Variants in BBS9 observed in about 807,000 individuals in gnomAD.
BBS9 encodes the protein protein PTHB1.
In BBS9, 89 loss-of-function variants were observed where a neutral mutation model predicts 117.7. The observed-to-expected ratio is 0.76, with a 90% confidence interval of 0.64 to 0.90. The LOEUF (loss-of-function observed/expected upper bound fraction) is 0.90, where lower values mean the gene tolerates loss of function less well. Ranked by LOEUF, BBS9 falls within the 40% of genes least tolerant of loss-of-function variation. The pLI is 0.00. For missense variants in BBS9, 982 were observed against 1,042.2 expected (o/e 0.94, Z 0.80); for synonymous variants, 379 against 370.9 (o/e 1.02, Z -0.25).
chr7:33,554,948 C>T lies in BBS9; in HGVS notation c.2521+20772C>T, dbSNP rs78903192. ...AGAAAGCAGCCACACAGAAGCCAAG[C>T]GAAGGGAGGATTTCCAAGGTCAGCA... On this transcript the variant is annotated intron_variant, in intron 21 of 22. Transcript: ENST00000242067. Among the ~76,000 whole-genome samples, 439 of 152,074 alleles carry T rather than the reference C, an allele frequency of 2.9e-3. 4 individuals carry two copies. The highest frequency in any genetic ancestry group is 0.01 in the African/African-American group (424 of 41,488).
intron 19 of BBS9, among the ~76,000 whole-genome samples, chr7:33,420,498 G>C (rs1427148216): frequency 6.6e-6 from 1 of 152,134 alleles, no homozygotes; most frequent in Non-Finnish European, 1.5e-5. Context: ...GGCTTATGAT[G>C]ATACTGTTAC....
intron 9 of BBS9, among the ~76,000 whole-genome samples, chr7:33,277,281 C>G (rs925802945): frequency 8.5e-5 from 13 of 152,176 alleles, no homozygotes; most frequent in Non-Finnish European, 1.6e-4. Flanking sequence ...AATCACAGCA[C>G]TTGGATTTTC....
rs149817462 is a variant in BBS9, at chr7:33,392,232, A to G, written c.2115+4088A>G. On this transcript the variant is annotated intron_variant, in intron 19 of 22. Coordinates refer to ENST00000242067, the MANE Select transcript of BBS9 (RefSeq NM_198428.3). ...TAGTGGCTTAAAACAACAATAATTC[A>G]TTATTTATTGTTCATGAGTCTCTGG... 5.3e-3 allele frequency among the ~76,000 whole-genome samples: 808 copies of G among 152,262 alleles called. 8 individuals are homozygous for G. The highest frequency in any genetic ancestry group is 0.018 in the African/African-American group (727 of 41,540).
chr7:33,264,413 C>A, intron 7 of BBS9, 39 bp downstream of exon 7: 1 of 1,166,774 alleles, frequency 8.6e-7, no homozygotes. Context: ...TTCAATAATG[C>A]TATATCTAAT....
chr7:33,346,689 A>C (rs1817649897), intron 12 of BBS9, among the ~76,000 whole-genome samples: 1 of 152,194 alleles, frequency 6.6e-6, no homozygotes, highest in Non-Finnish European at 1.5e-5. Flanking sequence ...TTCAATAAAT[A>C]TGTGCATGAG....
At chr7:33,287,736 C>A (rs1803170583) in intron 9 of BBS9, among the ~76,000 whole-genome samples, 1 of 151,840 alleles carries the variant, frequency 6.6e-6, no homozygotes, top group Non-Finnish European at 1.5e-5. Context: ...TATTAATGTG[C>A]TAAAAAAAGG....
intron 6 of BBS9, among the ~76,000 whole-genome samples, chr7:33,259,055 G>A (rs1390194215): frequency 2.6e-5 from 4 of 152,100 alleles, no homozygotes; most frequent in East Asian, 1.9e-4. Flanking sequence ...ACATTAAGTC[G>A]TATGTTGTAC....
chr7:33,159,776 G>A (rs1794584335), intron 4 of BBS9, among the ~76,000 whole-genome samples: 1 of 152,150 alleles, frequency 6.6e-6, no homozygotes, highest in Admixed American at 6.5e-5. Flanking sequence ...TCTAGAGATG[G>A]CTGCATGCAA....
intron 5 of BBS9, among the ~76,000 whole-genome samples, chr7:33,203,088 A>G (rs1786190547): frequency 6.6e-6 from 1 of 152,148 alleles, no homozygotes; most frequent in Non-Finnish European, 1.5e-5. Context: ...AGAGGATGGT[A>G]TACTCTGTGG....
chr7:33,341,117 G>T, intron 11 of BBS9, 144 bp downstream of exon 11: 1 of 709,140 alleles, frequency 1.4e-6, no homozygotes, highest in South Asian at 1.6e-5. Context: ...TTATTTTCTA[G>T]ATAAAAACAT....
At chr7:33,502,735 C>T (rs891276508) in intron 19 of BBS9, among the ~76,000 whole-genome samples, 1 of 152,106 alleles carries the variant, frequency 6.6e-6, no homozygotes, top group Non-Finnish European at 1.5e-5. Context: ...GTAGTATGCC[C>T]ATCTCTGAAC....
intron 9 of BBS9, chr7:33,277,058 T>A (rs1342679633): frequency 4.4e-6 from 1 of 228,384 alleles, no homozygotes; most frequent in African/African-American, 2.3e-5. Context: ...ATGATGTAGT[T>A]GTGGTAGTTG....
intron 4 of BBS9, among the ~76,000 whole-genome samples, chr7:33,177,215 T>A (rs1797449450): frequency 6.6e-6 from 1 of 152,186 alleles, no homozygotes; most frequent in Admixed American, 6.5e-5. Context: ...TACTCAGATA[T>A]AATCTGTCTA....
intron 19 of BBS9, among the ~76,000 whole-genome samples, chr7:33,392,861 A>G (rs1490211217): frequency 6.6e-6 from 1 of 152,150 alleles, no homozygotes; most frequent in Non-Finnish European, 1.5e-5. Flanking sequence ...GTTTGTCAAG[A>G]GTTGTTTAAA....
chr7:33,291,555 G>A (rs1804049522), intron 9 of BBS9, among the ~76,000 whole-genome samples: 3 of 152,154 alleles, frequency 2.0e-5, no homozygotes, highest in African/African-American at 7.2e-5. Flanking sequence ...CCAATTGTGA[G>A]TAGAAGTATA....
At chr7:33,332,701 A>G (rs913195885) in intron 9 of BBS9, among the ~76,000 whole-genome samples, 1 of 151,972 alleles carries the variant, frequency 6.6e-6, no homozygotes, top group Non-Finnish European at 1.5e-5. Context: ...AACAACAACA[A>G]CAACAACAAA....
intron 5 of BBS9, among the ~76,000 whole-genome samples, chr7:33,243,966 G>A (rs186203413): frequency 5.3e-5 from 8 of 152,268 alleles, no homozygotes; most frequent in African/African-American, 1.9e-4. Flanking sequence ...GCTCACACCT[G>A]TAATCTCAGC....
At chr7:33,354,240 A>G (rs1440868475) in intron 15 of BBS9, among the ~76,000 whole-genome samples, 1 of 152,138 alleles carries the variant, frequency 6.6e-6, no homozygotes, top group African/African-American at 2.4e-5. Context: ...CAAGAAAATA[A>G]TATGTTGCCA....
intron 19 of BBS9, among the ~76,000 whole-genome samples, chr7:33,476,099 T>C (rs187005993): frequency 6.6e-6 from 1 of 152,268 alleles, no homozygotes; most frequent in East Asian, 1.9e-4. Flanking sequence ...AGTAAAATAA[T>C]TTTTTTACAA....
Sources: gnomAD v4.1 joint callset for allele counts (sites outside exome capture counted in the v4.1 genomes callset) on GRCh38, gnomAD v4.1.1 for gene constraint, MANE v1.5 for transcripts, NCBI Gene and HGNC (gene_info 2026-07-23, HGNC 2026-07-21) for gene names.